The following NARF variants were observed in gnomAD, a reference collection of about 807,000 sequenced individuals.
NARF encodes the protein nuclear prelamin A recognition factor, also known as iron-only hydrogenase-like protein 2.
In NARF, 41 loss-of-function variants were observed where a neutral mutation model predicts 48.0. The observed-to-expected ratio is 0.85, with a 90% CI of 0.66 to 1.11. NARF has a LOEUF of 1.11. Ranked by LOEUF, NARF falls within the 50% of genes least tolerant of loss-of-function variation. The probability of loss-of-function intolerance (pLI) is 0.00; values close to 1 mark genes in which losing one functional copy is unlikely to be tolerated. For missense variants in NARF, 613 were observed against 590.2 expected, an observed-to-expected ratio of 1.04 and a Z score of -0.40; for synonymous variants, 215 against 225.5, an observed-to-expected ratio of 0.95 and a Z score of 0.42.
intron 10 of NARF, among the ~76,000 whole-genome samples, chr17:82,486,186 G>T (rs559060245): frequency 4.6e-5 from 7 of 152,306 alleles, no homozygotes; most frequent in Non-Finnish European, 8.8e-5. Flanking sequence ...GGCAGGGGGA[G>T]TGAGAGGATG....
chr17:82,484,644 C>T (rs2044053612), intron 8 of NARF, 169 bp from the exon 9 acceptor site: 1 of 745,870 alleles, frequency 1.3e-6, no homozygotes, highest in South Asian at 2.5e-5. Context: ...CTCCCAAGAC[C>T]CCTCAAGATG....
chr17:82,461,874 G>A (rs1180612876), intron 2 of NARF, among the ~76,000 whole-genome samples: 2 of 152,206 alleles, frequency 1.3e-5, no homozygotes, highest in African/African-American at 4.8e-5. Flanking sequence ...CAGTGCTGTG[G>A]GGACTGTGGG....
rs2043690853 is a variant in NARF, at chr17:82,471,160, T to TC, written c.386-1404_386-1403insC. Among the ~76,000 whole-genome samples the TC allele has an allele frequency of 9.5e-4, 122 of 128,106 alleles. 1 individual carries two copies. Among genetic ancestry groups the TC allele is most frequent in the Admixed American group, 4.8e-3 (56 of 11,622 alleles). 84.0% of individuals were successfully genotyped at this position (128,106 alleles called of 152,430 possible). Reference sequence around the variant, plus strand: ...GCCTGGGTGACAGAGCATGACTGTCTGAAAAAAAAAAAAGGCTGGGCATGT... The same window carrying TC: ...GCCTGGGTGACAGAGCATGACTGTCTCGAAAAAAAAAAAAGGCTGGGCATGT... On this transcript the variant is annotated intron_variant, in intron 4 of 10. Transcript: ENST00000309794.
At chr17:82,472,747 T>A in intron 5 of NARF, 49 bp downstream of exon 5, 2 of 1,580,206 alleles carry the variant, frequency 1.3e-6, no homozygotes, top group Non-Finnish European at 1.7e-6. Context: ...CAAAAGAGGT[T>A]TCACAAGATT....
intron 4 of NARF, among the ~76,000 whole-genome samples, chr17:82,471,454 CAA>C (rs545400643): frequency 1.4e-4 from 14 of 99,510 alleles, no homozygotes; most frequent in Admixed American, 9.9e-5. Context: ...GACACTGTCT[CAA>C]AAAAAAAAAA....
chr17:82,468,817 T>C lies in NARF; in HGVS notation c.306T>C (p.Ser102=), dbSNP rs753692735. The C allele has an allele frequency of 1.2e-6, 2 of 1,614,108 alleles. No individual in the cohort carries two copies. Among genetic ancestry groups the C allele is most frequent in the Admixed American group, 3.3e-5 (2 of 60,020 alleles). The change falls in exon 4 of 11, where the codon TCT becomes TCC. Residue 102 remains serine, a synonymous_variant. Coordinates refer to ENST00000309794, the MANE Select transcript of NARF (RefSeq NM_012336.4). ...TGGTAGTGTCTGTGTGTCCTCAATC[T>C]TTGCCTTATTTTGCTGCTAAATTCA... is the stretch of plus-strand genomic sequence containing the variant. ...KVLVVSVCPQ[S]LPYFAAKFNL...
In NARF at chr17:82,464,418, G is replaced by C; in HGVS notation, c.240G>C (p.Leu80=). The stretch of plus-strand genomic sequence containing the variant: ...ATGCCAAGGACTTCTTCCGCGTTCT[G>C]AACCTTAACAAGGTAAGGCATTCGG... ...QQNAKDFFRV[L]NLNKKCDTSK... is the part of the protein sequence containing the mutation. Residue 80 remains leucine, a synonymous_variant, in exon 3 of 11, where the codon CTG becomes CTC. Transcript: ENST00000309794. 1 of 1,613,060 alleles carries C rather than the reference G, an allele frequency of 6.2e-7. No individual in the cohort carries two copies. The highest frequency in any genetic ancestry group is 8.5e-7 in the Non-Finnish European group (1 of 1,179,416).
At chr17:82,465,189 A>G (rs2043535406) in intron 3 of NARF, among the ~76,000 whole-genome samples, 1 of 152,058 alleles carries the variant, frequency 6.6e-6, no homozygotes, top group Non-Finnish European at 1.5e-5. Context: ...GTGAGGACTC[A>G]CTCACTATCA....
Position 82,481,118 on chromosome 17 carries a change from G to A in NARF, c.676G>A (p.Ala226Thr). The change falls in exon 7 of 11, where the codon GCC (alanine) becomes ACC (threonine). Residue 226 changes from alanine (A) to threonine (T), a missense_variant. Transcript: ENST00000309794. ...AGAGAAGATTTTCCACGTCATTGTG[G>A]CCCCTTGTTATGACAAGAAGCTGGA... ...SPEKIFHVIV[A>T]PCYDKKLEAL... 1 of 1,614,006 alleles carries A rather than the reference G, an allele frequency of 6.2e-7. No homozygotes were observed. Among genetic ancestry groups the A allele is most frequent in the Non-Finnish European group, 8.5e-7 (1 of 1,179,988 alleles).
Position 82,485,574 on chromosome 17 carries a change from G to A in NARF, c.1049G>A (p.Arg350Gln), listed in dbSNP as rs1013591686. The change falls in exon 10 of 11, where the codon CGA (arginine) becomes CAA (glutamine). Residue 350 changes from arginine to glutamine, a missense_variant. By Grantham distance (43) the Arg-to-Gln change is conservative (BLOSUM62 1). Coordinates refer to ENST00000309794, the MANE Select transcript of NARF (RefSeq NM_012336.4). ...CGCTTTGCTGCAGCCTATGGCTTTCGAAACATCCAGAACATGATCCTGAAG... is the reference window on the plus strand; with the variant it reads ...CGCTTTGCTGCAGCCTATGGCTTTCAAAACATCCAGAACATGATCCTGAAG... ...VLRFAAAYGF[R>Q]NIQNMILKLK... 1.1e-5 allele frequency: 17 copies of A among 1,614,090 alleles called. No individual in the cohort carries two copies. The highest frequency in any genetic ancestry group is 1.3e-5 in the African/African-American group (1 of 74,924).
At chr17:82,462,190 G>C (rs1341589935) in intron 2 of NARF, among the ~76,000 whole-genome samples, 1 of 152,204 alleles carries the variant, frequency 6.6e-6, no homozygotes, top group Non-Finnish European at 1.5e-5. Flanking sequence ...TGGACACAGG[G>C]TGAGAGGAGT....
chr17:82,464,556 T>C, intron 3 of NARF, 126 bp downstream of exon 3: 5 of 1,214,404 alleles, frequency 4.1e-6, no homozygotes, highest in Non-Finnish European at 3.4e-6. Context: ...TTTCCTGGTG[T>C]TGCTAACATC....
At chr17:82,472,410 G>C (rs1373749492) in intron 4 of NARF, among the ~76,000 whole-genome samples, 154 bp from the exon 5 acceptor site, 2 of 151,874 alleles carry the variant, frequency 1.3e-5, no homozygotes, top group Admixed American at 1.3e-4. Flanking sequence ...CTTGAACCTG[G>C]GAGGCGGAGG....
upstream of NARF, chr17:82,458,570 C>A: frequency 2.0e-6 from 1 of 491,752 alleles, no homozygotes; most frequent in Non-Finnish European, 3.3e-6. Flanking sequence ...GCCTGGCCCG[C>A]CCCTTCCCGA....
At chr17:82,473,973 C>T (rs1035463999) in intron 5 of NARF, among the ~76,000 whole-genome samples, 1 of 151,962 alleles carries the variant, frequency 6.6e-6, no homozygotes. Context: ...TGCTTTAGCC[C>T]AGGAGTGTGG....
Position 82,472,948 on chromosome 17 carries a change from AT to A in NARF, c.520+260del, listed in dbSNP as rs1212796573. Among the ~76,000 whole-genome samples the A allele has an allele frequency of 3.5e-3, 520 of 149,442 alleles. 5 individuals are homozygous for A. The highest frequency in any genetic ancestry group is 0.011 in the African/African-American group (467 of 40,814). On this transcript the variant is annotated intron_variant, in intron 5 of 10. Transcript: ENST00000309794. ...TATTTAATTTTATTTTATTTTTATT[AT>A]TTTTTTTTTGAGACAGAGTCTCGCT...
chr17:82,490,007 T>C lies in NARF; in HGVS notation c.*1850T>C, dbSNP rs2044170285. ...CGCGCCTGGCTAATTGTATTCTTAG[T>C]TGAGACGGGTTTCGCCATGTTGATC... On this transcript the variant is annotated 3_prime_UTR_variant, in exon 11 of 11. Coordinates refer to ENST00000309794, the MANE Select transcript of NARF (RefSeq NM_012336.4). 1 of 152,206 alleles carries C rather than the reference T, an allele frequency of 6.6e-6. No homozygotes were observed. The highest frequency in any genetic ancestry group is 2.1e-4 in the South Asian group (1 of 4,830). 9.4% of individuals were successfully genotyped at this position (152,206 alleles called of 1,614,324 possible).
intron 9 of NARF, 64 bp from the exon 10 acceptor site, chr17:82,485,430 AAGG>A (rs1567947133): frequency 9.7e-6 from 15 of 1,554,212 alleles, no homozygotes; most frequent in African/African-American, 6.9e-5. Flanking sequence ...CAAAAAAAAA[AAGG>A]AAGTGTTCTT....
At chr17:82,468,623 T>C in intron 3 of NARF, 141 bp from the exon 4 acceptor site, 1 of 778,118 alleles carries the variant, frequency 1.3e-6, no homozygotes, top group Non-Finnish European at 2.0e-6. Context: ...TTTTCTTAAT[T>C]ATGTTTGCCA....
Sources: gnomAD v4.1 joint callset for allele counts (sites outside exome capture counted in the v4.1 genomes callset) on GRCh38, gnomAD v4.1.1 for gene constraint, MANE v1.5 for transcripts, NCBI Gene and HGNC (gene_info 2026-07-23, HGNC 2026-07-21) for gene names.